The following CREB5 variants were observed in gnomAD, a reference collection of about 807,000 sequenced individuals.
CREB5 encodes the protein cyclic AMP-responsive element-binding protein 5.
In CREB5, 19 loss-of-function variants were observed where a neutral mutation model predicts 57.1. The observed-to-expected ratio is 0.33, with a 90% CI of 0.23 to 0.49. CREB5 has a LOEUF of 0.49. Among genes scored for constraint, CREB5 ranks in the 20% least tolerant of loss-of-function variants. CREB5 has a pLI of 0.99. For synonymous variants in CREB5, 238 were observed against 238.3 expected, an observed-to-expected ratio of 1.00 and a Z score of 0.01; for missense variants, 579 against 671.6, an observed-to-expected ratio of 0.86 and a Z score of 1.52.
chr7:28,640,141 A>C (rs1255894637), intron 5 of CREB5, among the ~76,000 whole-genome samples: 4 of 152,092 alleles, frequency 2.6e-5, no homozygotes, highest in African/African-American at 9.7e-5. Context: ...CTGCACTCTC[A>C]GCTCAGCCCT....
Position 28,459,354 on chromosome 7 carries a change from G to A in CREB5, c.4-28821G>A, listed in dbSNP as rs1170665167. On this transcript the variant is annotated intron_variant, in intron 1 of 10. Transcript: ENST00000357727. ...TCTTCTGGGTTGGAAGAGTGGGAAA[G>A]CACTGAAAATAAGGATCAGGCAAAG... Among the ~76,000 whole-genome samples, 10 of 152,186 alleles carry A rather than the reference G, an allele frequency of 6.6e-5. No individual in the cohort carries two copies. The East Asian group carries it at 1.5e-3, about 23-fold the overall frequency.
chr7:28,433,875 C>T (rs999838721), intron 1 of CREB5, among the ~76,000 whole-genome samples: 4 of 151,512 alleles, frequency 2.6e-5, no homozygotes, highest in African/African-American at 7.3e-5. Context: ...TTCTGTTTTC[C>T]TCTTTCGTCT....
intron 1 of CREB5, among the ~76,000 whole-genome samples, chr7:28,430,423 T>C (rs1282723079): frequency 6.6e-6 from 1 of 152,180 alleles, no homozygotes; most frequent in Non-Finnish European, 1.5e-5. Flanking sequence ...TTCTGTAAGA[T>C]GGGCATAATA....
In CREB5 at chr7:28,560,835, T is replaced by TGC. The variant is rs1450019513; in HGVS notation, c.292-9529_292-9528insCG. Among the ~76,000 whole-genome samples, 99 of 59,718 alleles carry TGC rather than the reference T, an allele frequency of 1.7e-3. 1 individual carries two copies. The highest frequency in any genetic ancestry group is 2.2e-3 in the Non-Finnish European group (53 of 24,264). 39.2% of individuals were successfully genotyped at this position (59,718 alleles called of 152,430 possible). A position where few individuals can be genotyped will look rare whatever the true frequency, so the allele number is the denominator to read the frequency against. On this transcript the variant is annotated intron_variant, in intron 4 of 10. Coordinates refer to ENST00000357727, the MANE Select transcript of CREB5 (RefSeq NM_182898.4). ...GTGTGTGTGTGTGCGCGCGCGCGCG[T>TGC]GTGTGTGTGCGCGTGTGTGTGTGCG...
intron 5 of CREB5, among the ~76,000 whole-genome samples, chr7:28,619,657 C>T: frequency 6.6e-6 from 1 of 152,038 alleles, no homozygotes; most frequent in South Asian, 2.1e-4. Flanking sequence ...ATAGCAAGAC[C>T]CTCATCTCTA....
chr7:28,613,438 A>G (rs1000632926), intron 5 of CREB5, among the ~76,000 whole-genome samples: 2 of 152,202 alleles, frequency 1.3e-5, no homozygotes, highest in Non-Finnish European at 2.9e-5. Context: ...GCTTGAGCCT[A>G]TCCTCTTTAC....
chr7:28,560,481 A>G (rs904779537), intron 4 of CREB5, among the ~76,000 whole-genome samples: 3 of 152,110 alleles, frequency 2.0e-5, no homozygotes, highest in Non-Finnish European at 4.4e-5. Context: ...TACATCAATT[A>G]ATTGGAGAAC....
intron 1 of CREB5, among the ~76,000 whole-genome samples, chr7:28,414,840 A>C (rs1266014184): frequency 6.6e-6 from 1 of 152,016 alleles, no homozygotes; most frequent in Non-Finnish European, 1.5e-5. Context: ...TAGTGATAGC[A>C]CTCTTCCAGA....
chr7:28,316,226 G>A (rs1317434892), intron 1 of CREB5, among the ~76,000 whole-genome samples: 4 of 152,154 alleles, frequency 2.6e-5, no homozygotes, highest in Admixed American at 2.6e-4. Flanking sequence ...GGCTGGGGGT[G>A]GAGGGTGTTG....
intron 4 of CREB5, among the ~76,000 whole-genome samples, chr7:28,567,706 G>C (rs978876386): frequency 4.6e-5 from 7 of 152,216 alleles, no homozygotes; most frequent in Non-Finnish European, 1.5e-5. Flanking sequence ...GGCAGGGCAA[G>C]GGCATTGGCG....
At chr7:28,449,789 TA>T (rs1330826588) in intron 1 of CREB5, among the ~76,000 whole-genome samples, 4 of 152,348 alleles carry the variant, frequency 2.6e-5, no homozygotes, top group African/African-American at 9.6e-5. Flanking sequence ...GTTAACTTTT[TA>T]AAAAACTTCA....
At chr7:28,801,901 A>G (rs1205226364) in intron 7 of CREB5, among the ~76,000 whole-genome samples, 1 of 151,924 alleles carries the variant, frequency 6.6e-6, no homozygotes, top group Non-Finnish European at 1.5e-5. Context: ...CACAGCCAAC[A>G]TGGTGAAACC....
intron 4 of CREB5, among the ~76,000 whole-genome samples, chr7:28,541,531 G>T (rs903844144): frequency 2.0e-5 from 3 of 152,154 alleles, no homozygotes; most frequent in African/African-American, 4.8e-5. Context: ...GCTGGGCGTG[G>T]TGGCCGATAC....
In CREB5 at chr7:28,737,538, C is replaced by CATAT. The variant is rs1804057239; in HGVS notation, c.702+13206_702+13207insATAT. Among the ~76,000 whole-genome samples, 40 of 47,902 alleles carry CATAT rather than the reference C, an allele frequency of 8.4e-4. 1 individual carries two copies. The highest frequency in any genetic ancestry group is 3.0e-3 in the East Asian group (3 of 990). The allele number at this position is 47,902 out of a possible 152,430, so 31.4% of individuals were successfully genotyped here. A position where few individuals can be genotyped will look rare whatever the true frequency, so the allele number is the denominator to read the frequency against. On this transcript the variant is annotated intron_variant, in intron 7 of 10. Coordinates refer to ENST00000357727, the MANE Select transcript of CREB5 (RefSeq NM_182898.4). ...GTGTGTGTATATATGTATATATATACGTATATATATATATATATATATATA... is the reference window on the plus strand; with the variant it reads ...GTGTGTGTATATATGTATATATATACATATGTATATATATATATATATATATATA...
chr7:28,726,726 T>A (rs1476344490), intron 7 of CREB5: 1 of 152,198 alleles, frequency 6.6e-6, no homozygotes, highest in Non-Finnish European at 1.5e-5. Context: ...GAATGCACTC[T>A]GCAGGGTGTG....
chr7:28,552,670 A>G (rs1249921267), intron 4 of CREB5, among the ~76,000 whole-genome samples: 1 of 152,180 alleles, frequency 6.6e-6, no homozygotes, highest in Non-Finnish European at 1.5e-5. Flanking sequence ...TTAGAGTGCC[A>G]TCAGGGTTCA....
intron 1 of CREB5, among the ~76,000 whole-genome samples, chr7:28,441,671 T>A (rs1789189256): frequency 6.6e-6 from 1 of 152,230 alleles, no homozygotes; most frequent in African/African-American, 2.4e-5. Flanking sequence ...GTTACCATCA[T>A]GTTTAATCCT....
At chr7:28,348,320 C>G (rs1309412784) in intron 1 of CREB5, among the ~76,000 whole-genome samples, 3 of 151,948 alleles carry the variant, frequency 2.0e-5, no homozygotes, top group African/African-American at 7.3e-5. Context: ...GCCAATTCTC[C>G]AAACAGCAGC....
intron 9 of CREB5, among the ~76,000 whole-genome samples, chr7:28,813,750 T>C (rs1042940075): frequency 6.6e-6 from 1 of 152,220 alleles, no homozygotes; most frequent in South Asian, 2.1e-4. Context: ...TTTTGTAGTA[T>C]TGAATATCTC....
Sources: allele counts gnomAD v4.1 joint callset (sites outside exome capture counted in the v4.1 genomes callset), GRCh38; gene constraint gnomAD v4.1.1; transcripts MANE v1.5; gene names NCBI Gene and HGNC (gene_info 2026-07-23, HGNC 2026-07-21).